Variants in AUTS2 observed in about 807,000 individuals in gnomAD.
The protein encoded by AUTS2 is activator of transcription and developmental regulator AUTS2, also known as autism susceptibility gene 2 protein.
Under a neutral mutation model 112.4 loss-of-function variants are expected in AUTS2, and 17 were observed. The observed-to-expected ratio is 0.15, with a 90% CI of 0.10 to 0.23. AUTS2 has a LOEUF of 0.23. Ranked by LOEUF, AUTS2 falls within the 10% of genes least tolerant of loss-of-function variation. AUTS2 has a pLI of 1.00. For missense variants in AUTS2, 1,510 were observed against 1,701.6 expected (o/e 0.89, Z 1.98); for synonymous variants, 751 against 702.7 (o/e 1.07, Z -1.09).
intron 4 of AUTS2, among the ~76,000 whole-genome samples, chr7:70,403,965 G>A (rs1215464640): frequency 6.6e-6 from 1 of 152,172 alleles, no homozygotes; most frequent in Non-Finnish European, 1.5e-5. Flanking sequence ...AAAACAAGAA[G>A]TAGCAATGAG....
At chr7:69,679,183 C>T (rs527518100) in intron 1 of AUTS2, among the ~76,000 whole-genome samples, 1 of 152,326 alleles carries the variant, frequency 6.6e-6, no homozygotes, top group Non-Finnish European at 1.5e-5. Flanking sequence ...GTTTGGCATT[C>T]GTAGTTTCTC....
At chr7:69,860,790 G>A (rs1792944942) in intron 1 of AUTS2, among the ~76,000 whole-genome samples, 1 of 152,158 alleles carries the variant, frequency 6.6e-6, no homozygotes, top group Non-Finnish European at 1.5e-5. Flanking sequence ...GTCCTTCACA[G>A]GGTTCTGAGG....
intron 1 of AUTS2, among the ~76,000 whole-genome samples, chr7:69,634,211 C>T (rs2129107203): frequency 1.3e-5 from 2 of 151,794 alleles, no homozygotes; most frequent in South Asian, 4.2e-4. Context: ...GCTCCGCCTC[C>T]CGGGTTCACG....
At chr7:70,609,106 T>A (rs1247576797) in intron 5 of AUTS2, among the ~76,000 whole-genome samples, 1 of 152,182 alleles carries the variant, frequency 6.6e-6, no homozygotes, top group Non-Finnish European at 1.5e-5. Context: ...AATCCAGTGA[T>A]TTCTAAGAAT....
intron 4 of AUTS2, among the ~76,000 whole-genome samples, chr7:70,276,232 A>G (rs571877174): frequency 6.6e-6 from 1 of 152,232 alleles, no homozygotes; most frequent in East Asian, 1.9e-4. Context: ...GAATATGCCT[A>G]TAAAATATTC....
intron 14 of AUTS2, among the ~76,000 whole-genome samples, chr7:70,777,954 G>GA (rs889322694): frequency 6.6e-6 from 1 of 152,182 alleles, no homozygotes; most frequent in African/African-American, 2.4e-5. Context: ...TGCCCTATAT[G>GA]AAGATGATGC....
rs556953296 is a variant in AUTS2, at chr7:69,635,127, T to C, written c.309+35165T>C. ...GTCTGCTCCTCTAGGTCTCTTCTCA[T>C]AGTCTGAGTTCTTAAAATTAAGGTC... is the stretch of plus-strand genomic sequence containing the variant. On this transcript the variant is annotated intron_variant, in intron 1 of 18. Coordinates refer to ENST00000342771, the MANE Select transcript of AUTS2 (RefSeq NM_015570.4). Among the ~76,000 whole-genome samples, 3 of 152,332 alleles carry C rather than the reference T, an allele frequency of 2.0e-5. No individual in the cohort carries two copies. The South Asian group carries it at 6.2e-4, about 32-fold the overall frequency.
At chr7:70,343,529 T>TA in intron 4 of AUTS2, among the ~76,000 whole-genome samples, 1 of 152,166 alleles carries the variant, frequency 6.6e-6, no homozygotes, top group East Asian at 1.9e-4. Flanking sequence ...CACTGGAACA[T>TA]AAACAGTTAA....
chr7:70,218,911 A>G (rs1050714817), intron 4 of AUTS2, among the ~76,000 whole-genome samples: 2 of 152,122 alleles, frequency 1.3e-5, no homozygotes, highest in African/African-American at 4.8e-5. Flanking sequence ...TCATCATCCC[A>G]GTTTTGTTTG....
intron 2 of AUTS2, among the ~76,000 whole-genome samples, chr7:70,043,031 A>C (rs896682875): frequency 9.2e-5 from 14 of 152,140 alleles, no homozygotes; most frequent in African/African-American, 3.4e-4. Context: ...AAAAAAAAAA[A>C]AACCTTGCAG....
intron 5 of AUTS2, among the ~76,000 whole-genome samples, chr7:70,561,326 T>TAGCCATAGGGA (rs1326968614): frequency 2.0e-5 from 3 of 152,158 alleles, no homozygotes; most frequent in Non-Finnish European, 4.4e-5. Flanking sequence ...TCATCCAAAG[T>TAGCCATAGGGA]AGCCATAGGG....
chr7:70,164,519 G>A (rs1054106554), intron 4 of AUTS2, among the ~76,000 whole-genome samples: 4 of 152,030 alleles, frequency 2.6e-5, no homozygotes, highest in African/African-American at 4.8e-5. Context: ...AATGTTCTTC[G>A]ATTGGTTGGA....
intron 2 of AUTS2, among the ~76,000 whole-genome samples, chr7:70,113,702 A>C (rs1805207933): frequency 6.6e-6 from 1 of 152,208 alleles, no homozygotes; most frequent in Non-Finnish European, 1.5e-5. Flanking sequence ...TTCCAGGCAT[A>C]GATATATTCT....
intron 5 of AUTS2, among the ~76,000 whole-genome samples, chr7:70,456,652 G>A (rs1011565864): frequency 2.6e-5 from 4 of 152,228 alleles, no homozygotes; most frequent in African/African-American, 4.8e-5. Flanking sequence ...GGAGGATCTA[G>A]GTGTCCACCC....
At chr7:69,901,338 A>G (rs1794962581) in intron 2 of AUTS2, among the ~76,000 whole-genome samples, 1 of 151,694 alleles carries the variant, frequency 6.6e-6, no homozygotes, top group Non-Finnish European at 1.5e-5. Context: ...CTGAGTTAAC[A>G]CCAAGCTGCG....
intron 4 of AUTS2, among the ~76,000 whole-genome samples, chr7:70,262,438 C>G (rs896006957): frequency 2.6e-5 from 4 of 152,122 alleles, no homozygotes; most frequent in South Asian, 2.1e-4. Context: ...GATCCACCCC[C>G]CTCCGCCTTT....
At chr7:69,671,347 A>C (rs754594043) in intron 1 of AUTS2, among the ~76,000 whole-genome samples, 1 of 152,166 alleles carries the variant, frequency 6.6e-6, no homozygotes, top group Non-Finnish European at 1.5e-5. Context: ...GGTAATAAAC[A>C]CTTACTCAGC....
intron 6 of AUTS2, among the ~76,000 whole-genome samples, chr7:70,725,574 A>G (rs572198206): frequency 3.9e-4 from 59 of 152,234 alleles, no homozygotes; most frequent in Non-Finnish European, 7.1e-4. Context: ...CAAATGGGAA[A>G]GCAGTGGCAT....
chr7:70,227,299 C>T (rs1340210328), intron 4 of AUTS2, among the ~76,000 whole-genome samples: 1 of 148,940 alleles, frequency 6.7e-6, no homozygotes, highest in African/African-American at 2.5e-5. Context: ...TTTCTGGTCA[C>T]TTTTCTCATG....
Sources: gnomAD v4.1 joint callset for allele counts (sites outside exome capture counted in the v4.1 genomes callset) on GRCh38, gnomAD v4.1.1 for gene constraint, MANE v1.5 for transcripts, NCBI Gene and HGNC (gene_info 2026-07-23, HGNC 2026-07-21) for gene names.